ADAMTS9: variants seen among roughly 807,000 people sequenced by gnomAD.
The protein encoded by ADAMTS9 is ADAM metallopeptidase with thrombospondin type 1 motif 9.
ADAMTS9 carries 107 observed loss-of-function variants against 257.1 expected under a neutral mutation model. The ratio of observed to expected loss-of-function variants is 0.42; its 90% CI spans 0.36 to 0.49. The LOEUF is 0.49. Ranked by LOEUF, ADAMTS9 falls within the 20% of genes least tolerant of loss-of-function variation. The probability of loss-of-function intolerance (pLI) is 0.03; values close to 1 mark genes in which losing one functional copy is unlikely to be tolerated. For synonymous variants in ADAMTS9, 982 were observed against 880.9 expected, an observed-to-expected ratio of 1.11 and a Z score of -2.03; for missense variants, 2,353 against 2,469.1, an observed-to-expected ratio of 0.95 and a Z score of 1.00.
intron 16 of ADAMTS9, among the ~76,000 whole-genome samples, chr3:64,626,317 A>T (rs1186692727): frequency 1.3e-5 from 2 of 152,198 alleles, no homozygotes; most frequent in Non-Finnish European, 2.9e-5. Flanking sequence ...CAGAGTCTAC[A>T]AACTACTAAA....
At chr3:64,615,568 C>T (rs1445801158) in intron 20 of ADAMTS9, 83 bp from the exon 21 acceptor site, 3 of 1,393,642 alleles carry the variant, frequency 2.2e-6, no homozygotes, top group African/African-American at 2.9e-5. Context: ...TTGTCTCTTC[C>T]AGCTCTTAAG....
chr3:64,574,265 G>T (rs1027777415), intron 28 of ADAMTS9, among the ~76,000 whole-genome samples: 1 of 152,132 alleles, frequency 6.6e-6, no homozygotes, highest in East Asian at 1.9e-4. Flanking sequence ...TTATGAGCAG[G>T]ATATTGGGAT....
At chr3:64,569,512 AT>A (rs1216427344) in intron 28 of ADAMTS9, among the ~76,000 whole-genome samples, 7 of 152,154 alleles carry the variant, frequency 4.6e-5, no homozygotes, top group African/African-American at 1.7e-4. Context: ...TTCAATATTT[AT>A]TTCCCCCACT....
At chr3:64,580,492 G>A (rs1037199065) in intron 28 of ADAMTS9, among the ~76,000 whole-genome samples, 3 of 152,070 alleles carry the variant, frequency 2.0e-5, no homozygotes, top group African/African-American at 4.8e-5. Context: ...TGAGGATCAG[G>A]CCGTGTCCAG....
chr3:64,626,286 C>A (rs1360656794), intron 16 of ADAMTS9, among the ~76,000 whole-genome samples: 1 of 152,122 alleles, frequency 6.6e-6, no homozygotes, highest in Non-Finnish European at 1.5e-5. Flanking sequence ...CAGGTGGCTC[C>A]TAATCATGGA....
At chr3:64,634,911 T>C (rs539569906) in intron 12 of ADAMTS9, among the ~76,000 whole-genome samples, 14 of 152,178 alleles carry the variant, frequency 9.2e-5, no homozygotes, top group Non-Finnish European at 1.8e-4. Context: ...AAATATAGAA[T>C]GAGAGGTAGA....
At position 64,586,039 on chromosome 3, in the gene ADAMTS9, G is replaced by A. The variant is rs1046883996; in HGVS notation, c.4356+8219C>T. On this transcript the variant is annotated intron_variant, in intron 28 of 39. Coordinates refer to ENST00000498707, the MANE Select transcript of ADAMTS9 (RefSeq NM_182920.2). The stretch of plus-strand genomic sequence containing the variant: ...TTCATCAACTAAACAATGAGATGAG[G>A]GGATTATATCTTGGCTTAAACCACT... 4.6e-5 allele frequency among the ~76,000 whole-genome samples: 7 copies of A among 152,026 alleles called. No homozygotes were observed. The South Asian group carries it at 1.0e-3, about 23-fold the overall frequency.
intron 30 of ADAMTS9, among the ~76,000 whole-genome samples, chr3:64,556,745 C>CCTTCCTTCCTTCCTTCCTCCCTCCCTTT (rs1476800705): frequency 3.3e-5 from 5 of 151,122 alleles, no homozygotes; most frequent in Non-Finnish European, 5.9e-5. Flanking sequence ...TTCCTTCCTT[C>CCTTCCTTCCTTCCTTCCTCCCTCCCTTT]CTTCCTTCCT....
Position 64,557,044 on chromosome 3 carries a change from C to T in ADAMTS9, c.4698+4534G>A, listed in dbSNP as rs535556196. ...TTAACTGCCAGAGTACAGTAATCTG[C>T]GTGTGTTGTGAGAGCTGAGTGGAGG... On this transcript the variant is annotated intron_variant, in intron 30 of 39. Transcript: ENST00000498707. Among the ~76,000 whole-genome samples, 7 of 152,130 alleles carry T rather than the reference C, an allele frequency of 4.6e-5. No homozygotes were observed. The East Asian group carries it at 7.7e-4, about 17-fold the overall frequency.
intron 3 of ADAMTS9, among the ~76,000 whole-genome samples, chr3:64,659,001 T>C (rs1370916461): frequency 1.3e-5 from 2 of 152,214 alleles, no homozygotes; most frequent in African/African-American, 4.8e-5. Context: ...CTTTCATACT[T>C]GCTCGCTTAC....
intron 3 of ADAMTS9, among the ~76,000 whole-genome samples, chr3:64,676,702 T>A (rs1300733177): frequency 6.6e-6 from 1 of 152,184 alleles, no homozygotes; most frequent in Non-Finnish European, 1.5e-5. Flanking sequence ...TTAGGCTGTT[T>A]CCAGGCTTTT....
At chr3:64,675,687 G>A (rs1701608089) in intron 3 of ADAMTS9, among the ~76,000 whole-genome samples, 1 of 152,110 alleles carries the variant, frequency 6.6e-6, no homozygotes, top group Non-Finnish European at 1.5e-5. Context: ...TATGCAATTT[G>A]GCCCATAGTA....
chr3:64,681,473 T>C (rs2107050140), intron 2 of ADAMTS9, 110 bp from the exon 3 acceptor site: 1 of 1,178,076 alleles, frequency 8.5e-7, no homozygotes, highest in African/African-American at 1.6e-5. Flanking sequence ...CCCAATCTCT[T>C]TTTCAGGAGG....
chr3:64,666,828 T>A (rs1701363751), intron 3 of ADAMTS9, among the ~76,000 whole-genome samples: 2 of 152,208 alleles, frequency 1.3e-5, no homozygotes, highest in South Asian at 4.1e-4. Context: ...TATATTGACA[T>A]TCTCAAACAA....
intron 31 of ADAMTS9, chr3:64,550,102 T>A (rs543863720): frequency 1.3e-5 from 2 of 152,186 alleles, no homozygotes; most frequent in African/African-American, 4.8e-5. Context: ...AGATCTCTCA[T>A]ACAGATATGA....
intron 37 of ADAMTS9, among the ~76,000 whole-genome samples, chr3:64,536,042 C>T (rs1173052407): frequency 1.3e-5 from 2 of 152,136 alleles, no homozygotes; most frequent in African/African-American, 2.4e-5. Context: ...TGAAGTTTTC[C>T]GGAGGTCCAG....
intron 3 of ADAMTS9, among the ~76,000 whole-genome samples, chr3:64,680,883 A>G (rs1701736911): frequency 6.6e-6 from 1 of 152,190 alleles, no homozygotes; most frequent in Non-Finnish European, 1.5e-5. Flanking sequence ...TGACCTGAAT[A>G]TTACTCAAGG....
At chr3:64,673,765 C>T (rs1473445360) in intron 3 of ADAMTS9, among the ~76,000 whole-genome samples, 1 of 151,850 alleles carries the variant, frequency 6.6e-6, no homozygotes, top group Non-Finnish European at 1.5e-5. Context: ...CCCCACTTTT[C>T]AAAGATTTAT....
chr3:64,550,568 A>C (rs778038581), intron 31 of ADAMTS9: 1 of 280,184 alleles, frequency 3.6e-6, no homozygotes, highest in Non-Finnish European at 6.8e-6. Context: ...CTTATACTTA[A>C]CTGTCTTCAG....
Sources: allele counts gnomAD v4.1 joint callset (sites outside exome capture counted in the v4.1 genomes callset), GRCh38; gene constraint gnomAD v4.1.1; transcripts MANE v1.5; gene names NCBI Gene and HGNC (gene_info 2026-07-23, HGNC 2026-07-21).